The following DIS3L2 variants were observed in gnomAD, a reference collection of about 807,000 sequenced individuals.
DIS3L2 encodes DIS3-like exonuclease 2.
Under a neutral mutation model 97.5 loss-of-function variants are expected in DIS3L2, and 34 were observed. The observed-to-expected ratio is 0.35, with a 90% CI of 0.27 to 0.46. DIS3L2 has a LOEUF of 0.46. Ranked by LOEUF, DIS3L2 falls within the 20% of genes least tolerant of loss-of-function variation. The probability of loss-of-function intolerance (pLI) is 1.00; values close to 1 mark genes in which losing one functional copy is unlikely to be tolerated. For synonymous variants in DIS3L2, 435 were observed against 445.2 expected, an observed-to-expected ratio of 0.98 and a Z score of 0.29; for missense variants, 1,038 against 1,146.0, an observed-to-expected ratio of 0.91 and a Z score of 1.36.
intron 9 of DIS3L2, among the ~76,000 whole-genome samples, chr2:232,197,691 G>C (rs1040795990): frequency 3.9e-5 from 6 of 152,138 alleles, no homozygotes; most frequent in Non-Finnish European, 7.4e-5. Context: ...AATTCTGGCT[G>C]GGCGCGGTGG....
chr2:232,233,228 A>G (rs1292710220), intron 10 of DIS3L2, among the ~76,000 whole-genome samples: 1 of 152,218 alleles, frequency 6.6e-6, no homozygotes, highest in Non-Finnish European at 1.5e-5. Context: ...AACTAAAACA[A>G]CGGATTTATT....
chr2:231,962,563 T>G (rs1343699619), intron 1 of DIS3L2, among the ~76,000 whole-genome samples: 2 of 151,650 alleles, frequency 1.3e-5, no homozygotes. Context: ...GCCTCCCGAG[T>G]AGCTGGGACT....
chr2:232,003,423 A>AC (rs1693962353), intron 1 of DIS3L2, among the ~76,000 whole-genome samples: 1 of 152,038 alleles, frequency 6.6e-6, no homozygotes, highest in South Asian at 2.1e-4. Context: ...TCTTTATTCT[A>AC]CCCCCATACT....
chr2:232,050,261 A>T (rs975580351), intron 5 of DIS3L2, among the ~76,000 whole-genome samples: 1 of 151,750 alleles, frequency 6.6e-6, no homozygotes, highest in Non-Finnish European at 1.5e-5. Context: ...TTCTCCACTT[A>T]GTTGTAGACA....
intron 1 of DIS3L2, among the ~76,000 whole-genome samples, chr2:232,001,422 T>A (rs1158754619): frequency 6.6e-6 from 1 of 152,148 alleles, no homozygotes; most frequent in African/African-American, 2.4e-5. Context: ...CAATTGATTG[T>A]TTGAGTTCCT....
At chr2:232,174,635 C>T (rs1184027658) in intron 9 of DIS3L2, among the ~76,000 whole-genome samples, 1 of 150,244 alleles carries the variant, frequency 6.7e-6, no homozygotes, top group East Asian at 1.9e-4. Context: ...TTCGTGGATA[C>T]CATGGAATTT....
chr2:232,242,987 T>C lies in DIS3L2; in HGVS notation c.1317+4342T>C, dbSNP rs373014070. 2.0e-5 allele frequency among the ~76,000 whole-genome samples: 3 copies of C among 152,292 alleles called. No homozygotes were observed. In the East Asian group the frequency reaches 5.8e-4, roughly 29 times the overall value. On this transcript the variant is annotated intron_variant, in intron 11 of 20. Transcript: ENST00000325385. ...GATGAGACAGATTCTGGTCTTGCCC[T>C]GGGGAAGCAGAGGAGGTGGACAGGT...
chr2:231,969,550 A>G (rs1692832958), intron 1 of DIS3L2, among the ~76,000 whole-genome samples: 1 of 152,082 alleles, frequency 6.6e-6, no homozygotes, highest in Non-Finnish European at 1.5e-5. Context: ...ATCTCAAATG[A>G]TCTGTCCGCC....
chr2:232,175,077 C>T (rs1181303852), intron 9 of DIS3L2, among the ~76,000 whole-genome samples: 1 of 152,072 alleles, frequency 6.6e-6, no homozygotes, highest in Non-Finnish European at 1.5e-5. Flanking sequence ...GATCTGCCCG[C>T]CCCGGCCTCC....
intron 1 of DIS3L2, among the ~76,000 whole-genome samples, chr2:231,980,397 T>C (rs926883936): frequency 2.6e-5 from 4 of 152,110 alleles, no homozygotes; most frequent in African/African-American, 7.2e-5. Flanking sequence ...TTTCATTTGA[T>C]TTTTAAGATA....
intron 1 of DIS3L2, among the ~76,000 whole-genome samples, chr2:231,981,651 A>T (rs1268286516): frequency 7.0e-6 from 1 of 143,060 alleles, no homozygotes; most frequent in Non-Finnish European, 1.5e-5. Context: ...ACATATTTAC[A>T]TATTATATAT....
intron 10 of DIS3L2, among the ~76,000 whole-genome samples, chr2:232,211,047 T>A (rs1168489773): frequency 6.6e-6 from 1 of 152,032 alleles, no homozygotes; most frequent in Non-Finnish European, 1.5e-5. Context: ...AGGAAGGGAA[T>A]GCAGCAATTG....
chr2:231,977,902 G>A (rs567154970), intron 1 of DIS3L2, among the ~76,000 whole-genome samples: 59 of 152,296 alleles, frequency 3.9e-4, no homozygotes, highest in African/African-American at 1.4e-3. Flanking sequence ...CTGGTCTGAA[G>A]TGATTGTCAG....
chr2:232,094,717 TC>T (rs1696951560), intron 6 of DIS3L2, among the ~76,000 whole-genome samples: 1 of 9,494 alleles, frequency 1.1e-4, no homozygotes, highest in African/African-American at 4.2e-4. Flanking sequence ...AGACTCCATC[TC>T]AAAAAAAAAA....
At chr2:232,274,761 T>A (rs1377744198) in intron 13 of DIS3L2, among the ~76,000 whole-genome samples, 2 of 152,224 alleles carry the variant, frequency 1.3e-5, no homozygotes, top group Non-Finnish European at 2.9e-5. Context: ...AGCAAGGACA[T>A]TTTCTTTAAA....
chr2:232,317,927 G>A (rs541866574), intron 14 of DIS3L2, among the ~76,000 whole-genome samples: 4 of 152,308 alleles, frequency 2.6e-5, no homozygotes, highest in South Asian at 2.1e-4. Flanking sequence ...ATAACCCTGC[G>A]AGGTAGGTAG....
At chr2:232,263,127 T>A (rs1246963292) in intron 12 of DIS3L2, 80 bp from the exon 13 acceptor site, 1 of 1,412,356 alleles carries the variant, frequency 7.1e-7, no homozygotes, top group Non-Finnish European at 9.8e-7. Flanking sequence ...GTTGAATGTG[T>A]ATGGATGAAT....
intron 6 of DIS3L2, among the ~76,000 whole-genome samples, chr2:232,108,295 C>G (rs1431049338): frequency 6.6e-6 from 1 of 152,138 alleles, no homozygotes; most frequent in Non-Finnish European, 1.5e-5. Context: ...TCAATAGATG[C>G]AGAAAAGACC....
At position 232,001,412 on chromosome 2, in the gene DIS3L2, C is replaced by A. The variant is rs558202304; in HGVS notation, c.-93-13423C>A. ...TTAAATTGGATTATTTGTTTTCTTGCAATTGATTGTTTGAGTTCCTTGTGC... is the reference window on the plus strand; with the variant it reads ...TTAAATTGGATTATTTGTTTTCTTGAAATTGATTGTTTGAGTTCCTTGTGC... On this transcript the variant is annotated intron_variant, in intron 1 of 20. Transcript: ENST00000325385. 2.7e-4 allele frequency among the ~76,000 whole-genome samples: 41 copies of A among 152,112 alleles called. 1 individual carries two copies. In the East Asian group the frequency reaches 6.0e-3, roughly 22 times the overall value.
Sources: allele counts gnomAD v4.1 joint callset (sites outside exome capture counted in the v4.1 genomes callset), GRCh38; gene constraint gnomAD v4.1.1; transcripts MANE v1.5; gene names NCBI Gene and HGNC (gene_info 2026-07-23, HGNC 2026-07-21).